UBR3: variants seen among roughly 807,000 people sequenced by gnomAD.
The protein encoded by UBR3 is ubiquitin protein ligase E3 component n-recognin 3.
In UBR3, 85 loss-of-function variants were observed where a neutral mutation model predicts 243.2. The ratio of observed to expected loss-of-function variants is 0.35; its 90% confidence interval spans 0.29 to 0.42. The LOEUF (loss-of-function observed/expected upper bound fraction) is 0.42, where lower values mean the gene tolerates loss of function less well. Ranked by LOEUF, UBR3 falls within the 10% of genes least tolerant of loss-of-function variation. UBR3 has a pLI of 1.00. For missense variants in UBR3, 1,686 were observed against 2,300.8 expected (o/e 0.73, Z 5.47); for synonymous variants, 748 against 799.8 (o/e 0.94, Z 1.09).
chr2:169,999,722 A>G (rs1258676597), intron 26 of UBR3, among the ~76,000 whole-genome samples: 1 of 152,234 alleles, frequency 6.6e-6, no homozygotes, highest in Non-Finnish European at 1.5e-5. Context: ...AAGAGATTTT[A>G]GGAGAATAAG....
intron 32 of UBR3, among the ~76,000 whole-genome samples, chr2:170,042,622 G>A (rs920271112): frequency 1.3e-5 from 2 of 148,232 alleles, no homozygotes; most frequent in African/African-American, 5.0e-5. Flanking sequence ...CCAGGAGGTG[G>A]AGGTTGCAGT....
intron 29 of UBR3, among the ~76,000 whole-genome samples, chr2:170,009,693 C>T (rs541384458): frequency 6.6e-6 from 1 of 152,188 alleles, no homozygotes; most frequent in East Asian, 1.9e-4. Context: ...TGGAAGCATA[C>T]TTTATATTTT....
At chr2:169,967,224 G>C in intron 24 of UBR3, among the ~76,000 whole-genome samples, 1 of 148,866 alleles carries the variant, frequency 6.7e-6, no homozygotes, top group Non-Finnish European at 1.5e-5. Flanking sequence ...AAATTGAGGA[G>C]AGTATGCCCC....
At chr2:169,940,402 G>A (rs2086535232) in intron 19 of UBR3, among the ~76,000 whole-genome samples, 1 of 152,192 alleles carries the variant, frequency 6.6e-6, no homozygotes, top group Non-Finnish European at 1.5e-5. Context: ...ATGTCTGCAT[G>A]TCTGGAGTTT....
chr2:170,056,668 T>C (rs2354478), intron 33 of UBR3, among the ~76,000 whole-genome samples: 124,757 of 152,098 alleles, frequency 0.82, 51,465 homozygotes, highest in East Asian at 0.89. Context: ...TTGTTGAAAT[T>C]ATATCTACTT....
intron 35 of UBR3, among the ~76,000 whole-genome samples, chr2:170,069,377 A>G (rs2091648296): frequency 6.6e-6 from 1 of 152,122 alleles, no homozygotes; most frequent in Admixed American, 6.6e-5. Context: ...ATATATATGT[A>G]TACATTGTAT....
intron 1 of UBR3, among the ~76,000 whole-genome samples, chr2:169,864,830 C>G (rs1207438680): frequency 1.3e-5 from 2 of 150,196 alleles, no homozygotes; most frequent in African/African-American, 4.9e-5. Context: ...TGGCTTGAAC[C>G]TGGGAGGCGG....
chr2:169,944,246 T>G (rs958911568), intron 20 of UBR3, among the ~76,000 whole-genome samples: 1 of 152,190 alleles, frequency 6.6e-6, no homozygotes, highest in South Asian at 2.1e-4. Flanking sequence ...AAGTGAAAGT[T>G]CTGTTATTAT....
chr2:170,079,757 A>G, intron 36 of UBR3, 57 bp from the exon 37 acceptor site: 1 of 1,430,716 alleles, frequency 7.0e-7, no homozygotes, highest in Non-Finnish European at 9.4e-7. Context: ...TAAAAAATAT[A>G]TTGTGTTAGT....
chr2:169,923,668 T>C (rs960398399), intron 11 of UBR3, among the ~76,000 whole-genome samples: 1 of 152,184 alleles, frequency 6.6e-6, no homozygotes, highest in African/African-American at 2.4e-5. Context: ...ATTTAGGAAA[T>C]ATTAATCTGT....
At chr2:169,987,218 C>A (rs1169523304) in intron 25 of UBR3, among the ~76,000 whole-genome samples, 1 of 151,834 alleles carries the variant, frequency 6.6e-6, no homozygotes, top group Admixed American at 6.6e-5. Flanking sequence ...CATGGTGAAA[C>A]CCCGTCTCTA....
chr2:169,878,551 G>A lies in UBR3; in HGVS notation c.1015G>A (p.Gly339Arg). 1.3e-6 allele frequency: 2 copies of A among 1,551,064 alleles called. No homozygotes were observed. Among genetic ancestry groups the A allele is most frequent in the Non-Finnish European group, 1.7e-6 (2 of 1,146,608 alleles). ...QGFIGATGTL[G>R]QVDSSDEDDQ... ...TTTCATAGGCGCAACAGGAACTTTG[G>A]GACAAGTGGATTCTTCAGATGAGGT... Residue 339 changes from glycine (G) to arginine (R), a missense_variant, in exon 5 of 39, where the codon GGA (glycine) becomes AGA (arginine). By Grantham distance (125) the Gly-to-Arg change is moderately radical. Around this residue, in one of 8 missense-constraint regions of UBR3, gnomAD observed 200 missense variants for 231.6 expected, o/e 0.86. Coordinates refer to ENST00000272793, the MANE Select transcript of UBR3 (RefSeq NM_172070.4).
chr2:169,838,146 T>G (rs538195280), intron 1 of UBR3, among the ~76,000 whole-genome samples: 1 of 152,276 alleles, frequency 6.6e-6, no homozygotes, highest in East Asian at 1.9e-4. Context: ...ACATTAAATA[T>G]GAGGAGGTTG....
At chr2:170,006,103 C>T (rs990844777) in intron 27 of UBR3, among the ~76,000 whole-genome samples, 1 of 152,118 alleles carries the variant, frequency 6.6e-6, no homozygotes, top group African/African-American at 2.4e-5. Context: ...ACAGAATGTT[C>T]TTCTGTGACC....
At chr2:169,917,532 A>T (rs2085509363) in intron 11 of UBR3, among the ~76,000 whole-genome samples, 1 of 152,242 alleles carries the variant, frequency 6.6e-6, no homozygotes, top group Non-Finnish European at 1.5e-5. Flanking sequence ...AAGGACAGTT[A>T]GAATCATGTA....
rs7562311 is a variant in UBR3 at position 170,083,414 on chromosome 2, A to G, written c.*1571A>G. On this transcript the variant is annotated 3_prime_UTR_variant, in exon 39 of 39. Transcript: ENST00000272793. The stretch of plus-strand genomic sequence containing the variant: ...TTAAGATAACTTTCTGTAAGAGTCA[A>G]TGATTCTGTTCGACTAAATAGCTGT... 0.067 allele frequency: 10,283 copies of G among 152,702 alleles called. 364 individuals carry two copies. The highest frequency in any genetic ancestry group is 0.086 in the Non-Finnish European group (5,817 of 67,998). The allele number at this position is 152,702 out of a possible 1,614,324, so 9.5% of individuals were successfully genotyped here. A position where few individuals can be genotyped will look rare whatever the true frequency, so the allele number is the denominator to read the frequency against.
chr2:169,917,010 A>G lies in UBR3; in HGVS notation c.1866+2864A>G, dbSNP rs895194083. Reference sequence around the variant, plus strand: ...CCTCTCTTTACCTCCCAGTGGCTTTAGGAATGGTTTAGGAAGGGAAGAACC... The same window carrying G: ...CCTCTCTTTACCTCCCAGTGGCTTTGGGAATGGTTTAGGAAGGGAAGAACC... On this transcript the variant is annotated intron_variant, in intron 11 of 38. Transcript: ENST00000272793. Among the ~76,000 whole-genome samples the G allele has an allele frequency of 2.0e-5, 3 of 152,092 alleles. No homozygotes were observed. In the South Asian group the frequency reaches 6.2e-4, roughly 32 times the overall value.
chr2:170,083,533 G>C lies in UBR3; in HGVS notation c.*1690G>C, dbSNP rs926195433. The C allele has an allele frequency of 6.6e-6, 1 of 152,572 alleles. No individual in the cohort carries two copies. The highest frequency in any genetic ancestry group is 1.9e-4 in the East Asian group (1 of 5,202). The allele number at this position is 152,572 out of a possible 1,614,324, so 9.5% of individuals were successfully genotyped here. On this transcript the variant is annotated 3_prime_UTR_variant, in exon 39 of 39. Transcript: ENST00000272793. The stretch of plus-strand genomic sequence containing the variant: ...GATCGTTATGAATACCAGACCATTT[G>C]TAAGTGTGGTTGAAGAGCAAAATGC...
At chr2:169,921,696 A>T (rs2085704190) in intron 11 of UBR3, among the ~76,000 whole-genome samples, 1 of 152,190 alleles carries the variant, frequency 6.6e-6, no homozygotes, top group African/African-American at 2.4e-5. Flanking sequence ...TAGAACCAGG[A>T]TTCTGCACTT....
Sources: gnomAD v4.1 joint callset for allele counts (sites outside exome capture counted in the v4.1 genomes callset) on GRCh38, gnomAD v4.1.1 for gene constraint, gnomAD v4.1.1 regional missense constraint, MANE v1.5 for transcripts, NCBI Gene and HGNC (gene_info 2026-07-23, HGNC 2026-07-21) for gene names.